NHLRC2: variants seen among roughly 807,000 people sequenced by gnomAD.
NHLRC2 encodes the protein NHL repeat-containing protein 2.
NHLRC2 carries 33 observed loss-of-function variants against 68.1 expected under a neutral mutation model. The ratio of observed to expected loss-of-function variants is 0.48; its 90% confidence interval spans 0.37 to 0.65. The LOEUF (loss-of-function observed/expected upper bound fraction) is 0.65. Ranked by LOEUF, NHLRC2 falls within the 30% of genes least tolerant of loss-of-function variation. The pLI is 0.00. For missense variants in NHLRC2, 761 were observed against 853.8 expected, an observed-to-expected ratio of 0.89 and a Z score of 1.35; for synonymous variants, 311 against 309.6, an observed-to-expected ratio of 1.00 and a Z score of -0.05.
At position 113,906,200 on chromosome 10, in the gene NHLRC2, A is replaced by G. The variant is rs1198591407; in HGVS notation, c.1924+1164A>G. Among the ~76,000 whole-genome samples the G allele has an allele frequency of 4.6e-5, 7 of 152,334 alleles. No individual in the cohort carries two copies. In the South Asian group the frequency reaches 6.2e-4, roughly 14 times the overall value. ...TAGGAGCAGTGTACTAATTTTTAAA[A>G]TAGGATATTGACAGATTAACATTGG... On this transcript the variant is annotated intron_variant, in intron 10 of 10. Transcript: ENST00000369301.
chr10:113,879,610 A>G lies in NHLRC2; in HGVS notation c.824A>G (p.Glu275Gly). The G allele has an allele frequency of 1.9e-6, 3 of 1,601,316 alleles. No individual in the cohort carries two copies. Among genetic ancestry groups the G allele is most frequent in the Non-Finnish European group, 1.7e-6 (2 of 1,172,452 alleles). Residue 275 changes from glutamate to glycine, a missense_variant, in exon 4 of 11, where the codon GAA becomes GGA. Transcript: ENST00000369301. ...GGAAGAAAAGATGGAATATTTTCAG[A>G]ATCAACTTTTAATTCTCCACAGGGT... Reference protein sequence around the residue: ...NPGRKDGIFSESTFNSPQGVA... With the variant: ...NPGRKDGIFSGSTFNSPQGVA...
intron 6 of NHLRC2, among the ~76,000 whole-genome samples, chr10:113,898,417 G>A (rs555205518): frequency 2.0e-5 from 3 of 152,332 alleles, no homozygotes; most frequent in African/African-American, 7.2e-5. Context: ...CTGTTGCCCA[G>A]GCTGATGAAA....
At chr10:113,855,104 G>A in intron 1 of NHLRC2, 54 bp downstream of exon 1, 2 of 1,463,840 alleles carry the variant, frequency 1.4e-6, no homozygotes, top group Non-Finnish European at 9.3e-7. Context: ...CCTTCCTCGG[G>A]GACGGCGCCC....
chr10:113,898,371 T>G (rs1846195201), intron 6 of NHLRC2, among the ~76,000 whole-genome samples, 162 bp downstream of exon 6: 2 of 152,236 alleles, frequency 1.3e-5, no homozygotes, highest in Admixed American at 1.3e-4. Context: ...GGCGTGTTTA[T>G]TGCTCACTCA....
intron 5 of NHLRC2, among the ~76,000 whole-genome samples, chr10:113,896,446 C>T (rs1189858730): frequency 7.0e-6 from 1 of 141,926 alleles, no homozygotes; most frequent in African/African-American, 2.7e-5. Flanking sequence ...TATTCTCACT[C>T]ATAGGTGGGA....
intron 6 of NHLRC2, among the ~76,000 whole-genome samples, chr10:113,898,482 G>A (rs1846198501): frequency 6.6e-6 from 1 of 152,212 alleles, no homozygotes; most frequent in African/African-American, 2.4e-5. Context: ...GAGAGAGAAA[G>A]AGGTAGTAAG....
chr10:113,863,532 G>A (rs1050618709), intron 2 of NHLRC2, among the ~76,000 whole-genome samples: 1 of 152,082 alleles, frequency 6.6e-6, no homozygotes, highest in Admixed American at 6.5e-5. Context: ...TAAATCTAAG[G>A]TGTAATATCT....
chr10:113,866,439 A>G (rs1845868476), intron 2 of NHLRC2, among the ~76,000 whole-genome samples: 2 of 152,170 alleles, frequency 1.3e-5, no homozygotes, highest in Non-Finnish European at 2.9e-5. Context: ...CATAATGGCT[A>G]TTATCTAAGG....
Position 113,903,754 on chromosome 10 carries a change from A to C in NHLRC2, c.1704+18A>C, listed in dbSNP as rs757811992. 1 of 1,363,200 alleles carries C rather than the reference A, an allele frequency of 7.3e-7. No homozygotes were observed. The highest frequency in any genetic ancestry group is 1.2e-5 in the South Asian group (1 of 85,080). The allele number at this position is 1,363,200 out of a possible 1,614,324, so 84.4% of individuals were successfully genotyped here. A position where few individuals can be genotyped will look rare whatever the true frequency, so the allele number is the denominator to read the frequency against. ...TATCTGTGGTAAGTAATTTTAAAAT[A>C]TAAGTTAAAGAATGTGGTTTTAAGA... On this transcript the variant is annotated intron_variant, in intron 9 of 10. Coordinates refer to ENST00000369301, the MANE Select transcript of NHLRC2 (RefSeq NM_198514.4).
chr10:113,883,926 A>G (rs1846058212), intron 4 of NHLRC2, among the ~76,000 whole-genome samples: 1 of 151,740 alleles, frequency 6.6e-6, no homozygotes, highest in South Asian at 2.1e-4. Flanking sequence ...AGAAACATGT[A>G]TTTTGCTACA....
intron 2 of NHLRC2, among the ~76,000 whole-genome samples, chr10:113,865,186 T>C (rs1367229898): frequency 6.6e-6 from 1 of 151,866 alleles, no homozygotes; most frequent in African/African-American, 2.4e-5. Flanking sequence ...TCTGACCTCG[T>C]GATACGCCTG....
chr10:113,904,890 A>G lies in NHLRC2; in HGVS notation c.1778A>G (p.Lys593Arg). ...FLVEKQKTLP[K>R]LPKSAPSIRL... ...GTAGAAAAACAGAAGACATTACCCA[A>G]ACTACCTAAATCTGCTCCAAGCATT... Residue 593 changes from lysine (K) to arginine (R), a missense_variant, in exon 10 of 11, where the codon AAA (lysine) becomes AGA (arginine). Coordinates refer to ENST00000369301, the MANE Select transcript of NHLRC2 (RefSeq NM_198514.4). 1 of 1,612,458 alleles carries G rather than the reference A, an allele frequency of 6.2e-7. No homozygotes were observed. Among genetic ancestry groups the G allele is most frequent in the African/African-American group, 1.3e-5 (1 of 74,888 alleles).
intron 2 of NHLRC2, among the ~76,000 whole-genome samples, chr10:113,860,093 G>T (rs931260254): frequency 2.6e-5 from 4 of 152,202 alleles, no homozygotes; most frequent in African/African-American, 9.6e-5. Flanking sequence ...ATTGTGAAAT[G>T]CATTGTATAG....
chr10:113,894,734 A>G (rs1236892913), intron 5 of NHLRC2, among the ~76,000 whole-genome samples: 1 of 152,064 alleles, frequency 6.6e-6, no homozygotes, highest in Non-Finnish European at 1.5e-5. Context: ...AAGATTAAAT[A>G]AATTGCCTTC....
chr10:113,877,989 A>G (rs775261879), intron 3 of NHLRC2, among the ~76,000 whole-genome samples: 1 of 152,218 alleles, frequency 6.6e-6, no homozygotes, highest in Non-Finnish European at 1.5e-5. Flanking sequence ...TGTGATTTTC[A>G]AAATAGTGTA....
chr10:113,876,407 G>A (rs750930754), intron 2 of NHLRC2, 114 bp from the exon 3 acceptor site: 19 of 579,144 alleles, frequency 3.3e-5, no homozygotes, highest in Non-Finnish European at 4.8e-5. Context: ...TCTACTTTTC[G>A]TTTTTTTTTA....
At chr10:113,867,472 G>A (rs905751635) in intron 2 of NHLRC2, among the ~76,000 whole-genome samples, 1 of 152,156 alleles carries the variant, frequency 6.6e-6, no homozygotes, top group Non-Finnish European at 1.5e-5. Flanking sequence ...AGTGTTCAGC[G>A]ATTTTGATCC....
chr10:113,883,274 C>G (rs1846051891), intron 4 of NHLRC2, among the ~76,000 whole-genome samples: 2 of 151,762 alleles, frequency 1.3e-5, no homozygotes, highest in Non-Finnish European at 3.0e-5. Flanking sequence ...TTCCTGTTTC[C>G]TTTTATTATA....
chr10:113,878,341 A>C (rs917819579), intron 3 of NHLRC2, among the ~76,000 whole-genome samples: 1 of 152,172 alleles, frequency 6.6e-6, no homozygotes, highest in Non-Finnish European at 1.5e-5. Flanking sequence ...GGTACAGTAG[A>C]CACTATATGT....
Sources: gnomAD v4.1 joint callset for allele counts (sites outside exome capture counted in the v4.1 genomes callset) on GRCh38, gnomAD v4.1.1 for gene constraint, MANE v1.5 for transcripts, NCBI Gene and HGNC (gene_info 2026-07-23, HGNC 2026-07-21) for gene names.